Variants in PITPNM1 observed in about 807,000 individuals in gnomAD.
The protein encoded by PITPNM1 is membrane-associated phosphatidylinositol transfer protein 1.
In PITPNM1, 74 loss-of-function variants were observed where a neutral mutation model predicts 133.3. That is an observed-to-expected ratio of 0.56 (90% CI 0.46 to 0.67). The LOEUF is 0.67. Ranked by LOEUF, PITPNM1 falls within the 30% of genes least tolerant of loss-of-function variation. The pLI is 0.00. For synonymous variants in PITPNM1, 738 were observed against 741.4 expected, an observed-to-expected ratio of 1.00 and a Z score of 0.08; for missense variants, 1,398 against 1,739.5, an observed-to-expected ratio of 0.80 and a Z score of 3.49.
chr11:67,501,926 C>T lies in PITPNM1; in HGVS notation c.576G>A (p.Leu192=), dbSNP rs751731860. The T allele has an allele frequency of 2.7e-5, 44 of 1,613,482 alleles. No individual in the cohort carries two copies. The highest frequency in any genetic ancestry group is 3.6e-5 in the Non-Finnish European group (43 of 1,180,028). ...QTGPLMCAYK[L]CKVEFRYWGM... is the part of the protein sequence containing the mutation. ...CCCAGTAGCGGAACTCAACCTTGCACAGCTTATAGGCACACATAAGGGGCC... is the reference window on the plus strand; with the variant it reads ...CCCAGTAGCGGAACTCAACCTTGCATAGCTTATAGGCACACATAAGGGGCC... The change falls in exon 5 of 24, where the codon CTG becomes CTA. Residue 192 remains leucine, a synonymous_variant. Coordinates refer to ENST00000356404, the MANE Select transcript of PITPNM1 (RefSeq NM_004910.3).
chr11:67,502,481 C>T lies in PITPNM1; in HGVS notation c.293+23G>A, dbSNP rs1164074121. ...GGGCCGCTCCCCTCCTGGCCTCGGA[C>T]CATGCCCAGCTCACCCACTCACCGG... On this transcript the variant is annotated intron_variant, in intron 3 of 23. Transcript: ENST00000356404. The surrounding 1 kb of genome is among the most constrained non-coding windows in gnomAD (Gnocchi z 5.9). 1 of 1,613,646 alleles carries T rather than the reference C, an allele frequency of 6.2e-7. No individual in the cohort carries two copies. Among genetic ancestry groups the T allele is most frequent in the Non-Finnish European group, 8.5e-7 (1 of 1,179,944 alleles).
At position 67,502,779 on chromosome 11, in the gene PITPNM1, A is replaced by C; in HGVS notation, c.79-61T>G. ...CCCCAGCTTAGCATCTGGGATCCCC[A>C]GCTCAGCCTGGTGTTCTACACAGCT... On this transcript the variant is annotated intron_variant, in intron 2 of 23. Coordinates refer to ENST00000356404, the MANE Select transcript of PITPNM1 (RefSeq NM_004910.3). This position sits in a 1 kb window ranked among gnomAD's most constrained non-coding sequence, Gnocchi z 5.9. 1.9e-6 allele frequency: 3 copies of C among 1,541,390 alleles called. No homozygotes were observed. The highest frequency in any genetic ancestry group is 1.9e-4 in the Middle Eastern group (1 of 5,260).
Position 67,497,855 on chromosome 11 carries a change from A to G in PITPNM1, c.1782+62T>C, listed in dbSNP as rs929364517. On this transcript the variant is annotated intron_variant, in intron 12 of 23. Transcript: ENST00000356404. ...GCAGAGGGGTGGCATTCCAGGGGGCAGAGACCTAGAGCCAGAGAGGGCCTT... is the reference window on the plus strand; with the variant it reads ...GCAGAGGGGTGGCATTCCAGGGGGCGGAGACCTAGAGCCAGAGAGGGCCTT... 5 of 1,526,034 alleles carry G rather than the reference A, an allele frequency of 3.3e-6. No individual in the cohort carries two copies. The South Asian group carries it at 5.7e-5, about 17-fold the overall frequency. 94.5% of individuals were successfully genotyped at this position (1,526,034 alleles called of 1,614,324 possible).
At chr11:67,494,472 C>T (rs1028623127) in intron 18 of PITPNM1, 112 bp from the exon 19 acceptor site, 5 of 740,956 alleles carry the variant, frequency 6.7e-6, no homozygotes, top group Non-Finnish European at 1.1e-5. Context: ...CTAGAGGCGG[C>T]GGGGCATTGA....
At chr11:67,495,671 C>T in intron 15 of PITPNM1, 69 bp from the exon 16 acceptor site, 2 of 1,403,954 alleles carry the variant, frequency 1.4e-6, no homozygotes, top group South Asian at 1.5e-5. Flanking sequence ...CCCAGGGCTC[C>T]CCGCACCTCT....
rs921546933 is a variant in PITPNM1, at chr11:67,499,833, G to A, written c.1064-3C>T. ...CTCCTCACTGTCCGAGAAGCCTTCTGAGGGGACAGGGGGCTGTGTCATGGG... is the reference window on the plus strand; with the variant it reads ...CTCCTCACTGTCCGAGAAGCCTTCTAAGGGGACAGGGGGCTGTGTCATGGG... On this transcript the variant is annotated splice_polypyrimidine_tract_variant and splice_region_variant and intron_variant, in intron 7 of 23. Coordinates refer to ENST00000356404, the MANE Select transcript of PITPNM1 (RefSeq NM_004910.3). The A allele has an allele frequency of 1.9e-6, 3 of 1,580,796 alleles. No homozygotes were observed. The highest frequency in any genetic ancestry group is 2.7e-5 in the African/African-American group (2 of 74,148).
Position 67,502,611 on chromosome 11 carries a change from C to T in PITPNM1, c.186G>A (p.Val62=), listed in dbSNP as rs1374721701. ...CTGGGATGTGGGAGCCCACGTGGTA[C>T]ACCTTGTGTGTGTATTGCCCGCTGC... ...PGGSGQYTHK[V]YHVGSHIPGW... is the part of the protein sequence containing the mutation. Residue 62 remains valine, a synonymous_variant, in exon 3 of 24, where the codon GTG becomes GTA. Coordinates refer to ENST00000356404, the MANE Select transcript of PITPNM1 (RefSeq NM_004910.3). This position sits in a 1 kb window ranked among gnomAD's most constrained non-coding sequence, Gnocchi z 5.9. 3.1e-6 allele frequency: 5 copies of T among 1,613,602 alleles called. No individual in the cohort carries two copies. In the African/African-American group the frequency reaches 5.3e-5, roughly 17 times the overall value.
In PITPNM1 at chr11:67,496,161, C is replaced by T. The variant is rs377041570; in HGVS notation, c.2317+17G>A. On this transcript the variant is annotated intron_variant, in intron 15 of 23. Transcript: ENST00000356404. ...GTGCCCTCCTCCTTCTCCCCTTTAT[C>T]TTGTTTGGGGGCGTACCCAGCAGCA... 4.7e-6 allele frequency: 7 copies of T among 1,497,070 alleles called. No individual in the cohort carries two copies. The highest frequency in any genetic ancestry group is 2.7e-5 in the South Asian group (2 of 74,650). 92.7% of individuals were successfully genotyped at this position (1,497,070 alleles called of 1,614,324 possible).
intron 18 of PITPNM1, 24 bp downstream of exon 18, chr11:67,494,822 G>GTGGACGA (rs59817710): frequency 1.8e-5 from 28 of 1,559,706 alleles, no homozygotes; most frequent in Middle Eastern, 1.7e-4. Flanking sequence ...GAGTGGGCGA[G>GTGGACGA]GGGGCGAGGG....
chr11:67,493,915 C>T lies in PITPNM1; in HGVS notation c.3008+7G>A, dbSNP rs1276470431. ...CCTCCCGCAGAGGCCCGGCCAGCCG[C>T]GCTCACCTGACCACCATGCGCACGG... On this transcript the variant is annotated splice_region_variant and intron_variant, in intron 20 of 23. Transcript: ENST00000356404. 3 of 1,546,070 alleles carry T rather than the reference C, an allele frequency of 1.9e-6. No individual in the cohort carries two copies. The highest frequency in any genetic ancestry group is 8.7e-7 in the Non-Finnish European group (1 of 1,145,736).
In PITPNM1 at chr11:67,498,305, T is replaced by C; in HGVS notation, c.1502A>G (p.His501Arg). 6.3e-7 allele frequency: 1 copy of C among 1,587,344 alleles called. No individual in the cohort carries two copies. Among genetic ancestry groups the C allele is most frequent in the Non-Finnish European group, 8.6e-7 (1 of 1,165,400 alleles). ...ALVSNLSPYS[H>R]DGDSLSRSQD... ...GGAGCGAGACAGGCTGTCCCCATCG[T>C]GGCTGTAAGGGCTCAGGCTGTAGGA... Residue 501 changes from histidine to arginine, a missense_variant, in exon 11 of 24, where the codon CAC becomes CGC. By Grantham distance (29) the His-to-Arg change is conservative. Transcript: ENST00000356404. The surrounding 1 kb of genome is among the most constrained non-coding windows in gnomAD (Gnocchi z 5.7).
Position 67,500,241 on chromosome 11 carries a change from G to A in PITPNM1, c.821C>T (p.Pro274Leu), listed in dbSNP as rs754527358. The A allele has an allele frequency of 5.6e-6, 9 of 1,605,600 alleles. No homozygotes were observed. Among genetic ancestry groups the A allele is most frequent in the Middle Eastern group, 1.6e-4 (1 of 6,080 alleles). ...GGCCGCAGACCGGGCCTCGGTGCTCGGTTTCCCGGGGGGCTGGGCCTCGGA... is the reference window on the plus strand; with the variant it reads ...GGCCGCAGACCGGGCCTCGGTGCTCAGTTTCCCGGGGGGCTGGGCCTCGGA... Reference protein sequence around the residue: ...EGSEAQPPGKPSTEARSAASN... With the variant: ...EGSEAQPPGKLSTEARSAASN... Residue 274 changes from proline to leucine, a missense_variant, in exon 6 of 24, where the codon CCG becomes CTG. Pro to Leu is a moderately conservative substitution (Grantham distance 98). This residue lies in a region of PITPNM1 where 195 missense variants were observed against 178.8 expected (regional missense o/e 1.09). Coordinates refer to ENST00000356404, the MANE Select transcript of PITPNM1 (RefSeq NM_004910.3).
chr11:67,495,099 A>ACGT lies in PITPNM1; in HGVS notation c.2606_2608dup (p.Asp869dup), dbSNP rs1866073938. ...CACCTGGCGCAGGATGAACGCCACC[A>ACGT]CGTCGGCGGACTCCCAGTAGCTGGC... On this transcript the variant is annotated inframe_insertion, in exon 17 of 24. Coordinates refer to ENST00000356404, the MANE Select transcript of PITPNM1 (RefSeq NM_004910.3). The ACGT allele has an allele frequency of 6.2e-7, 1 of 1,612,486 alleles. No homozygotes were observed.
Position 67,498,398 on chromosome 11 carries a change from G to T in PITPNM1, c.1485-76C>A. ...GCCATCCAAGTCCCCTGGGCCTGCT[G>T]GCAGGCCCTGGCTCTGTGGGTCCTC... On this transcript the variant is annotated intron_variant, in intron 10 of 23. Transcript: ENST00000356404. This position sits in a 1 kb window ranked among gnomAD's most constrained non-coding sequence, Gnocchi z 5.7. 7.2e-7 allele frequency: 1 copy of T among 1,393,432 alleles called. No homozygotes were observed. The highest frequency in any genetic ancestry group is 9.5e-7 in the Non-Finnish European group (1 of 1,047,172). 86.3% of individuals were successfully genotyped at this position (1,393,432 alleles called of 1,614,324 possible).
rs1389488689 is a variant in PITPNM1, at chr11:67,494,923, A to T, written c.2665T>A (p.Cys889Ser). 1.9e-6 allele frequency: 3 copies of T among 1,612,828 alleles called. No homozygotes were observed. The highest frequency in any genetic ancestry group is 2.5e-6 in the Non-Finnish European group (3 of 1,179,806). ...GGGCTGTAGATGGACGGCTCCTCGC[A>T]TTCCGCCAGCTGTGGCCGCTCCTTC... ...IEKERPQLAE[C>S]EEPSIYSPAF... Residue 889 changes from cysteine (C) to serine (S), a missense_variant, in exon 18 of 24, where the codon TGC becomes AGC. By Grantham distance (112) the Cys-to-Ser change is moderately radical (BLOSUM62 -1). This residue lies in a region of PITPNM1 where 574 missense variants were observed against 698.7 expected (regional missense o/e 0.82). Transcript: ENST00000356404.
intron 2 of PITPNM1, 132 bp downstream of exon 2, chr11:67,503,971 C>T: frequency 6.3e-6 from 4 of 630,088 alleles, no homozygotes; most frequent in Non-Finnish European, 5.4e-6. Context: ...CAGTCCTTCC[C>T]CATTCCCACA....
rs754063137 is a variant in PITPNM1 at position 67,499,764 on chromosome 11, A to G, written c.1130T>C (p.Ile377Thr). 7.4e-5 allele frequency: 112 copies of G among 1,519,914 alleles called. No homozygotes were observed. The highest frequency in any genetic ancestry group is 6.6e-5 in the Non-Finnish European group (75 of 1,130,682). 94.2% of individuals were successfully genotyped at this position (1,519,914 alleles called of 1,614,324 possible). A position where few individuals can be genotyped will look rare whatever the true frequency, so the allele number is the denominator to read the frequency against. ...EMTKWNSNDFIDAFASPVEAE... is the reference protein window; with the variant it reads ...EMTKWNSNDFTDAFASPVEAE... ...CTCCACTGGGGAGGCAAAGGCATCAATGAAGTCATTGGAGTTCCACTTGGT... is the reference window on the plus strand; with the variant it reads ...CTCCACTGGGGAGGCAAAGGCATCAGTGAAGTCATTGGAGTTCCACTTGGT... Residue 377 changes from isoleucine to threonine, a missense_variant, in exon 8 of 24, where the codon ATT becomes ACT. By Grantham distance (89) the Ile-to-Thr change is moderately conservative. Transcript: ENST00000356404.
At chr11:67,493,088 G>C in intron 22 of PITPNM1, 26 bp from the exon 23 acceptor site, 1 of 1,612,188 alleles carries the variant, frequency 6.2e-7, no homozygotes, top group Non-Finnish European at 8.5e-7. Flanking sequence ...CCAATCAGCC[G>C]CCCCAGGGGT....
At position 67,495,944 on chromosome 11, in the gene PITPNM1, C is replaced by G. The variant is rs542398930; in HGVS notation, c.2317+234G>C. On this transcript the variant is annotated intron_variant, in intron 15 of 23. Transcript: ENST00000356404. ...TGTATGGCAGCACACCAGCATCATG[C>G]TGCCAGGGGGCACCCTCTCTAGCTT... Among the ~76,000 whole-genome samples the G allele has an allele frequency of 4.6e-5, 7 of 152,358 alleles. No homozygotes were observed. In the South Asian group the frequency reaches 6.2e-4, roughly 14 times the overall value.
Sources: allele counts gnomAD v4.1 joint callset (sites outside exome capture counted in the v4.1 genomes callset), GRCh38; gene constraint gnomAD v4.1.1; regional missense constraint gnomAD v4.1.1; non-coding constraint Gnocchi (gnomAD v3.1); transcripts MANE v1.5; gene names NCBI Gene and HGNC (gene_info 2026-07-23, HGNC 2026-07-21).